The following ACOXL variants were observed in gnomAD, a reference collection of about 807,000 sequenced individuals.
ACOXL encodes the protein acyl-coenzyme A oxidase-like protein.
Under a neutral mutation model 71.9 loss-of-function variants are expected in ACOXL, and 70 were observed. That is an observed-to-expected ratio of 0.97 (90% CI 0.80 to 1.19). ACOXL has a LOEUF of 1.19. Ranked by LOEUF, ACOXL falls within the 50% of genes most tolerant of loss-of-function variation. ACOXL has a pLI of 0.00. For missense variants in ACOXL, 703 were observed against 736.3 expected (o/e 0.95, Z 0.52); for synonymous variants, 253 against 281.6 (o/e 0.90, Z 1.02).
At chr2:111,111,182 C>G (rs1373792137) in intron 17 of ACOXL, among the ~76,000 whole-genome samples, 1 of 152,210 alleles carries the variant, frequency 6.6e-6, no homozygotes, top group Non-Finnish European at 1.5e-5. Context: ...TTTCTGCAAC[C>G]TCCACCTCCT....
At chr2:110,858,424 A>C (rs575468309) in intron 10 of ACOXL, among the ~76,000 whole-genome samples, 2 of 152,066 alleles carry the variant, frequency 1.3e-5, no homozygotes, top group Non-Finnish European at 2.9e-5. Flanking sequence ...GATGAGGCCA[A>C]TGCTTTCTAA....
At chr2:110,977,111 G>T (rs892830283) in intron 12 of ACOXL, among the ~76,000 whole-genome samples, 13 of 152,158 alleles carry the variant, frequency 8.5e-5, no homozygotes, top group Admixed American at 5.9e-4. Flanking sequence ...TCCCGGCTGG[G>T]CATGGTGGCT....
chr2:110,931,273 G>A (rs2060470043), intron 11 of ACOXL, among the ~76,000 whole-genome samples: 1 of 152,196 alleles, frequency 6.6e-6, no homozygotes, highest in African/African-American at 2.4e-5. Context: ...TGGAAGTTTG[G>A]CTGGGGCCTC....
At chr2:110,749,653 G>A (rs1678668513) in intron 1 of ACOXL, among the ~76,000 whole-genome samples, 2 of 152,218 alleles carry the variant, frequency 1.3e-5, no homozygotes, top group Non-Finnish European at 2.9e-5. Flanking sequence ...ATTTGAACTA[G>A]GGAGGTGGAG....
chr2:110,801,849 G>A (rs921085302), intron 8 of ACOXL, 125 bp downstream of exon 8: 6 of 730,826 alleles, frequency 8.2e-6, no homozygotes, highest in Admixed American at 4.9e-5. Context: ...ACCCGTACAG[G>A]TTTGTTGACA....
chr2:110,789,500 G>A (rs1027579183), intron 3 of ACOXL, among the ~76,000 whole-genome samples: 1 of 152,152 alleles, frequency 6.6e-6, no homozygotes, highest in Non-Finnish European at 1.5e-5. Context: ...TGCCAGCATG[G>A]TCAGGTTCCA....
intron 10 of ACOXL, among the ~76,000 whole-genome samples, chr2:110,874,547 T>C (rs1227575800): frequency 6.6e-6 from 1 of 152,278 alleles, no homozygotes; most frequent in East Asian, 1.9e-4. Context: ...ATCACTGTCC[T>C]CATTAGAAGG....
chr2:110,942,938 A>G, intron 12 of ACOXL, among the ~76,000 whole-genome samples: 1 of 148,002 alleles, frequency 6.8e-6, no homozygotes, highest in African/African-American at 2.5e-5. Context: ...AGAAAGAAAG[A>G]AGAAAGAAAG....
intron 12 of ACOXL, among the ~76,000 whole-genome samples, chr2:110,966,363 A>G (rs1186297235): frequency 6.6e-6 from 1 of 152,174 alleles, no homozygotes; most frequent in Non-Finnish European, 1.5e-5. Flanking sequence ...TCCAGCAGGG[A>G]GCTGAGTCTC....
intron 10 of ACOXL, among the ~76,000 whole-genome samples, chr2:110,870,094 A>T (rs899793173): frequency 6.6e-6 from 1 of 151,964 alleles, no homozygotes; most frequent in Admixed American, 6.6e-5. Context: ...TGGCTGGGGG[A>T]AAATTAGGGC....
intron 12 of ACOXL, among the ~76,000 whole-genome samples, chr2:110,953,113 C>T (rs1047990865): frequency 2.0e-5 from 3 of 152,032 alleles, no homozygotes. Context: ...TCACAATGGC[C>T]CTATAGAGAA....
At chr2:110,759,303 G>T (rs916666942) in intron 1 of ACOXL, among the ~76,000 whole-genome samples, 11 of 152,320 alleles carry the variant, frequency 7.2e-5, no homozygotes, top group African/African-American at 2.4e-4. Context: ...ATTATTGTGT[G>T]AGAGTCTACG....
intron 17 of ACOXL, among the ~76,000 whole-genome samples, chr2:111,105,616 C>T (rs1440352214): frequency 6.6e-6 from 1 of 152,032 alleles, no homozygotes; most frequent in Non-Finnish European, 1.5e-5. Context: ...GTCTGCATAT[C>T]CATTACTATT....
chr2:111,082,104 G>A (rs1269266786), intron 16 of ACOXL, among the ~76,000 whole-genome samples: 1 of 152,152 alleles, frequency 6.6e-6, no homozygotes, highest in East Asian at 1.9e-4. Flanking sequence ...CAGGACATAG[G>A]CATGGGCAGA....
At chr2:110,841,329 C>G in intron 9 of ACOXL, 42 bp from the exon 10 acceptor site, 1 of 1,505,186 alleles carries the variant, frequency 6.6e-7, no homozygotes, top group Non-Finnish European at 9.2e-7. Flanking sequence ...TCTGCATACT[C>G]TTGATATTAC....
At chr2:110,843,065 A>G (rs924181055) in intron 10 of ACOXL, among the ~76,000 whole-genome samples, 2 of 152,166 alleles carry the variant, frequency 1.3e-5, no homozygotes, top group African/African-American at 4.8e-5. Flanking sequence ...ACTGTGTGGT[A>G]TGGTGGGGTG....
chr2:110,881,072 T>C (rs1696575359), intron 10 of ACOXL, among the ~76,000 whole-genome samples: 1 of 151,994 alleles, frequency 6.6e-6, no homozygotes, highest in African/African-American at 2.4e-5. Flanking sequence ...TTTAAGTTTC[T>C]AATATATTTT....
At chr2:110,734,890 T>C (rs1056334223) in intron 1 of ACOXL, among the ~76,000 whole-genome samples, 2 of 158 alleles carry the variant, frequency 0.013, no homozygotes, top group Non-Finnish European at 0.02. Flanking sequence ...TTCCCCCTTA[T>C]TGACTTACAT....
At chr2:110,827,261 A>C (rs1160627408) in intron 9 of ACOXL, among the ~76,000 whole-genome samples, 1 of 152,168 alleles carries the variant, frequency 6.6e-6, no homozygotes, top group African/African-American at 2.4e-5. Flanking sequence ...GGAGTAGCCA[A>C]AAGAGGGACG....
Sources: gnomAD v4.1 joint callset for allele counts (sites outside exome capture counted in the v4.1 genomes callset) on GRCh38, gnomAD v4.1.1 for gene constraint, MANE v1.5 for transcripts, NCBI Gene and HGNC (gene_info 2026-07-23, HGNC 2026-07-21) for gene names.